PRKCQ: variants seen among roughly 807,000 people sequenced by gnomAD.
The protein encoded by PRKCQ is protein kinase C theta, also known as protein kinase C theta type.
PRKCQ carries 41 observed loss-of-function variants against 91.2 expected under a neutral mutation model. That is an observed-to-expected ratio of 0.45 (90% CI 0.35 to 0.58). The LOEUF (loss-of-function observed/expected upper bound fraction) is 0.58, where lower values mean the gene tolerates loss of function less well. Among genes scored for constraint, PRKCQ ranks in the 20% least tolerant of loss-of-function variants. The pLI is 0.00. For synonymous variants in PRKCQ, 307 were observed against 316.9 expected (o/e 0.97, Z 0.33); for missense variants, 673 against 896.5 (o/e 0.75, Z 3.18).
chr10:6,396,913 G>A, the PRKCQ span, among the ~76,000 whole-genome samples: 1 of 152,140 alleles, frequency 6.6e-6, no homozygotes. Flanking sequence ...CTGTATGTTG[G>A]TTAATTTCCC....
At chr10:6,433,521 C>T (rs962102882) in intron 16 of PRKCQ, among the ~76,000 whole-genome samples, 2 of 152,118 alleles carry the variant, frequency 1.3e-5, no homozygotes, top group African/African-American at 4.8e-5. Context: ...CTTCTATCCT[C>T]ATTTTATCTC....
downstream of PRKCQ, among the ~76,000 whole-genome samples, chr10:6,422,806 C>T (rs993225114): frequency 2.0e-5 from 3 of 152,166 alleles, no homozygotes; most frequent in Non-Finnish European, 2.9e-5. Flanking sequence ...AAGCTGGGGG[C>T]AGAAAACATG....
chr10:6,505,172 G>A (rs181322938), intron 4 of PRKCQ, among the ~76,000 whole-genome samples: 6 of 152,256 alleles, frequency 3.9e-5, no homozygotes, highest in Admixed American at 2.6e-4. Context: ...GATTACAGGC[G>A]TGAGCCACCG....
chr10:6,444,237 A>C (rs1246300888), intron 15 of PRKCQ, among the ~76,000 whole-genome samples: 1 of 151,960 alleles, frequency 6.6e-6, no homozygotes, highest in Non-Finnish European at 1.5e-5. Context: ...TGCCCAGATA[A>C]TTTTTGTATT....
At chr10:6,440,456 C>T (rs1411203946) in intron 16 of PRKCQ, among the ~76,000 whole-genome samples, 1 of 152,196 alleles carries the variant, frequency 6.6e-6, no homozygotes, top group Non-Finnish European at 1.5e-5. Flanking sequence ...AGCCATCCTC[C>T]AGTTCAGGGG....
At chr10:6,474,558 C>A (rs965747988) in intron 12 of PRKCQ, among the ~76,000 whole-genome samples, 6 of 152,160 alleles carry the variant, frequency 3.9e-5, no homozygotes, top group African/African-American at 1.4e-4. Context: ...AGAAATAAAT[C>A]CTCTTATTTT....
the PRKCQ span, among the ~76,000 whole-genome samples, chr10:6,415,209 C>T: frequency 1.8e-4 from 28 of 151,572 alleles, no homozygotes; most frequent in East Asian, 5.8e-4. Context: ...GTGATCCACC[C>T]GCCTCGGCCT....
chr10:6,432,686 T>C (rs1188612020), intron 16 of PRKCQ, among the ~76,000 whole-genome samples: 1 of 152,178 alleles, frequency 6.6e-6, no homozygotes, highest in African/African-American at 2.4e-5. Flanking sequence ...AGGTGATCTC[T>C]AGGGCTTGGA....
the PRKCQ span, among the ~76,000 whole-genome samples, chr10:6,413,337 T>C: frequency 6.6e-6 from 1 of 152,236 alleles, no homozygotes; most frequent in East Asian, 1.9e-4. Flanking sequence ...AATATAAATA[T>C]TAAAACTTCT....
chr10:6,559,419 G>A (rs921420349), intron 1 of PRKCQ, among the ~76,000 whole-genome samples: 2 of 152,076 alleles, frequency 1.3e-5, no homozygotes, highest in Non-Finnish European at 2.9e-5. Flanking sequence ...GGAGTGCAGT[G>A]GCAGTTTCGG....
In PRKCQ at chr10:6,430,699, G is replaced by A; in HGVS notation, c.1965+111C>T. 1 of 1,437,220 alleles carries A rather than the reference G, an allele frequency of 7.0e-7. No homozygotes were observed. The highest frequency in any genetic ancestry group is 2.3e-5 in the East Asian group (1 of 43,014). 89.0% of individuals were successfully genotyped at this position (1,437,220 alleles called of 1,614,324 possible). The stretch of plus-strand genomic sequence containing the variant: ...ATTCCTCCTGGAGAGTGGGGCTGGT[G>A]GGGAGTTGGGGCACCGGCAGGGGTG... On this transcript the variant is annotated intron_variant, in intron 17 of 17. Transcript: ENST00000263125. The surrounding 1 kb of genome is among the most constrained non-coding windows in gnomAD (Gnocchi z 4.7).
chr10:6,484,200 G>C (rs1836775403), intron 10 of PRKCQ, among the ~76,000 whole-genome samples: 1 of 152,164 alleles, frequency 6.6e-6, no homozygotes, highest in Admixed American at 6.5e-5. Flanking sequence ...GATTGCCTGA[G>C]CTCAGGCATT....
intron 1 of PRKCQ, among the ~76,000 whole-genome samples, chr10:6,543,182 C>T (rs1195871728): frequency 6.6e-6 from 1 of 152,202 alleles, no homozygotes; most frequent in Non-Finnish European, 1.5e-5. Context: ...CCAGCAGTTC[C>T]TGTATTTCTG....
the PRKCQ span, among the ~76,000 whole-genome samples, chr10:6,395,862 ATAT>A: frequency 1.3e-5 from 2 of 152,042 alleles, no homozygotes; most frequent in African/African-American, 2.4e-5. Flanking sequence ...TGTACTGAGT[ATAT>A]TTTTCAGAGG....
intron 1 of PRKCQ, among the ~76,000 whole-genome samples, chr10:6,549,622 AT>A (rs1840100944): frequency 3.1e-5 from 4 of 130,010 alleles, no homozygotes; most frequent in Non-Finnish European, 6.5e-5. Flanking sequence ...CATAAAATTC[AT>A]CTTTTTTTTT....
At chr10:6,396,737 G>A in the PRKCQ span, among the ~76,000 whole-genome samples, 6 of 152,220 alleles carry the variant, frequency 3.9e-5, no homozygotes, top group Admixed American at 6.5e-5. Flanking sequence ...GAATCATGTT[G>A]CAGCGAAGCT....
intron 1 of PRKCQ, among the ~76,000 whole-genome samples, chr10:6,555,142 G>T (rs2130943194): frequency 6.6e-6 from 1 of 151,892 alleles, no homozygotes; most frequent in South Asian, 2.1e-4. Flanking sequence ...GGGAGGGGGG[G>T]GGTCTAGGGT....
intron 1 of PRKCQ, among the ~76,000 whole-genome samples, chr10:6,551,450 T>C (rs1159673058): frequency 6.6e-6 from 1 of 150,934 alleles, no homozygotes; most frequent in African/African-American, 2.4e-5. Flanking sequence ...CTGGAGTGCC[T>C]GGAGTGCACC....
At chr10:6,566,494 C>G (rs1840840877) in intron 1 of PRKCQ, among the ~76,000 whole-genome samples, 1 of 152,126 alleles carries the variant, frequency 6.6e-6, no homozygotes, top group South Asian at 2.1e-4. Flanking sequence ...AACCTTGTCT[C>G]CCAATTCCCA....
Sources: allele counts gnomAD v4.1 joint callset (sites outside exome capture counted in the v4.1 genomes callset), GRCh38; gene constraint gnomAD v4.1.1; non-coding constraint Gnocchi (gnomAD v3.1); transcripts MANE v1.5; gene names NCBI Gene and HGNC (gene_info 2026-07-23, HGNC 2026-07-21).